The following SNU13 variants were observed in gnomAD, a reference collection of about 807,000 sequenced individuals.
The protein encoded by SNU13 is NHP2-like protein 1.
In SNU13, 2 loss-of-function variants were observed where a neutral mutation model predicts 12.4. The ratio of observed to expected loss-of-function variants is 0.16; its 90% CI spans 0.07 to 0.51. SNU13 has a LOEUF of 0.51. Ranked by LOEUF, SNU13 falls within the 20% of genes least tolerant of loss-of-function variation. The pLI, the probability that SNU13 is intolerant of heterozygous loss-of-function variation, is 0.96. For missense variants in SNU13, 66 were observed against 157.8 expected (o/e 0.42, Z 3.12); for synonymous variants, 68 against 66.5 (o/e 1.02, Z -0.11).
chr22:41,687,320 A>C lies in SNU13; in HGVS notation c.3+1474T>G, dbSNP rs577318581. On this transcript the variant is annotated intron_variant, in intron 1 of 2. Transcript: ENST00000401959. The stretch of plus-strand genomic sequence containing the variant: ...ACATGGAACCCCCAAAGTATGTACA[A>C]CTATGATATGTCAATTTAAAAAAAC... Among the ~76,000 whole-genome samples, 7 of 152,324 alleles carry C rather than the reference A, an allele frequency of 4.6e-5. No homozygotes were observed. The East Asian group carries it at 1.3e-3, about 29-fold the overall frequency.
At position 41,674,000 on chromosome 22, in the gene SNU13, C is replaced by G. The variant is rs1208089085; in HGVS notation, c.*933G>C. The G allele has an allele frequency of 6.6e-6, 1 of 152,192 alleles. No individual in the cohort carries two copies. Among genetic ancestry groups the G allele is most frequent in the East Asian group, 1.9e-4 (1 of 5,200 alleles). 9.4% of individuals were successfully genotyped at this position (152,192 alleles called of 1,614,324 possible). A position where few individuals can be genotyped will look rare whatever the true frequency, so the allele number is the denominator to read the frequency against. The stretch of plus-strand genomic sequence containing the variant: ...TGGAGAACACATGAACTAGCACTCT[C>G]CTCATGTGACAGAGAGTACATCTGA... On this transcript the variant is annotated 3_prime_UTR_variant, in exon 3 of 3. Transcript: ENST00000401959.
intron 2 of SNU13, among the ~76,000 whole-genome samples, chr22:41,676,414 C>T (rs889030957): frequency 6.6e-6 from 1 of 152,156 alleles, no homozygotes; most frequent in African/African-American, 2.4e-5. Flanking sequence ...TCTTGTTACA[C>T]AAATGACCTT....
At chr22:41,689,226 G>A, upstream of SNU13, 1 of 394,236 alleles carries the variant, frequency 2.5e-6, no homozygotes, top group Non-Finnish European at 3.5e-6. Flanking sequence ...AGCCAGGCGT[G>A]GTGGCGGGCG....
chr22:41,682,684 A>G, intron 1 of SNU13: 1 of 678,918 alleles, frequency 1.5e-6, no homozygotes, highest in Non-Finnish European at 2.1e-6. Flanking sequence ...TCTTCCTCAT[A>G]CATTTATTTA....
At chr22:41,675,352 G>A (rs982218481) in intron 2 of SNU13, among the ~76,000 whole-genome samples, 157 bp from the exon 3 acceptor site, 1 of 152,014 alleles carries the variant, frequency 6.6e-6, no homozygotes, top group Non-Finnish European at 1.5e-5. Flanking sequence ...ATACACAATG[G>A]CATTTTCTCA....
intron 1 of SNU13, among the ~76,000 whole-genome samples, chr22:41,683,683 T>C (rs754873533): frequency 5.3e-5 from 8 of 152,214 alleles, no homozygotes; most frequent in Non-Finnish European, 1.2e-4. Context: ...AAAGATATAA[T>C]ATGCATTTGT....
upstream of SNU13, chr22:41,689,146 G>A (rs2068339348): frequency 4.0e-6 from 4 of 1,004,948 alleles, no homozygotes; most frequent in African/African-American, 1.7e-5. Context: ...CGCATCACCT[G>A]AGGACAGGAG....
intron 2 of SNU13, among the ~76,000 whole-genome samples, chr22:41,676,592 T>A (rs1188734494): frequency 6.6e-6 from 1 of 151,702 alleles, no homozygotes; most frequent in Non-Finnish European, 1.5e-5. Flanking sequence ...ACTTCAGGAG[T>A]TATGCTGGGT....
chr22:41,677,541 AAATAAT>A (rs971696562), intron 2 of SNU13, among the ~76,000 whole-genome samples: 9 of 152,068 alleles, frequency 5.9e-5, no homozygotes, highest in Admixed American at 2.6e-4. Flanking sequence ...AAAGTAAAAT[AAATAAT>A]AATAATAATA....
At position 41,674,903 on chromosome 22, in the gene SNU13, G is replaced by A; in HGVS notation, c.*30C>T. On this transcript the variant is annotated 3_prime_UTR_variant, in exon 3 of 3. Transcript: ENST00000401959. ...GATACACAACCTCAGGGGGGAAGCT[G>A]GCAGGGAGCACGTGGCAGAGGCCAC... is the stretch of plus-strand genomic sequence containing the variant. 2.5e-6 allele frequency: 4 copies of A among 1,603,522 alleles called. No individual in the cohort carries two copies. The highest frequency in any genetic ancestry group is 3.4e-6 in the Non-Finnish European group (4 of 1,172,662).
chr22:41,678,746 C>A (rs2068236015), intron 2 of SNU13, among the ~76,000 whole-genome samples: 1 of 152,196 alleles, frequency 6.6e-6, no homozygotes, highest in African/African-American at 2.4e-5. Context: ...CTATACCAGG[C>A]ACTGCAGTTA....
intron 1 of SNU13, chr22:41,687,604 G>T (rs920049922): frequency 3.3e-5 from 5 of 152,160 alleles, no homozygotes; most frequent in African/African-American, 1.2e-4. Flanking sequence ...ATTAACGAAT[G>T]ATATCATACC....
At chr22:41,682,253 C>T (rs1426737934) in intron 1 of SNU13, 5 of 1,291,172 alleles carry the variant, frequency 3.9e-6, no homozygotes, top group African/African-American at 1.5e-5. Flanking sequence ...GCCTTTTCCT[C>T]CTTCCGTTTT....
intron 1 of SNU13, chr22:41,687,990 C>T (rs1453639464): frequency 6.6e-6 from 1 of 152,186 alleles, no homozygotes; most frequent in Admixed American, 6.6e-5. Flanking sequence ...CCAAGCTCCA[C>T]TGGAAGGATT....
intron 1 of SNU13, chr22:41,682,408 T>C (rs1377930115): frequency 1.2e-6 from 2 of 1,613,616 alleles, no homozygotes; most frequent in Non-Finnish European, 1.7e-6. Context: ...ATACCACGCG[T>C]GTCGGTTTGG....
upstream of SNU13, among the ~76,000 whole-genome samples, chr22:41,689,968 A>C (rs1003298396): frequency 4.0e-5 from 6 of 151,840 alleles, no homozygotes; most frequent in African/African-American, 1.5e-4. Flanking sequence ...ACAAGAGTGG[A>C]AACTCGGTCT....
At chr22:41,686,832 G>A (rs1351223276) in intron 1 of SNU13, among the ~76,000 whole-genome samples, 1 of 147,456 alleles carries the variant, frequency 6.8e-6, no homozygotes, top group African/African-American at 2.5e-5. Flanking sequence ...TCACCATGTT[G>A]GTCAGGCTGG....
At chr22:41,684,625 G>C (rs2068295281) in intron 1 of SNU13, among the ~76,000 whole-genome samples, 1 of 151,868 alleles carries the variant, frequency 6.6e-6, no homozygotes, top group Non-Finnish European at 1.5e-5. Flanking sequence ...ATTTCCTTTT[G>C]GGTTAGGCAA....
At chr22:41,678,929 T>C (rs777405465) in intron 2 of SNU13, among the ~76,000 whole-genome samples, 7 of 152,122 alleles carry the variant, frequency 4.6e-5, no homozygotes, top group Non-Finnish European at 1.0e-4. Flanking sequence ...AAAAGAGCTC[T>C]ACCACATCAA....
Sources: gnomAD v4.1 joint callset for allele counts (sites outside exome capture counted in the v4.1 genomes callset) on GRCh38, gnomAD v4.1.1 for gene constraint, MANE v1.5 for transcripts, NCBI Gene and HGNC (gene_info 2026-07-23, HGNC 2026-07-21) for gene names.